Variants in KCNK10 observed in about 807,000 individuals in gnomAD.
The protein encoded by KCNK10 is potassium two pore domain channel subfamily K member 10.
In KCNK10, 25 loss-of-function variants were observed where a neutral mutation model predicts 47.7. That is an observed-to-expected ratio of 0.52 (90% CI 0.38 to 0.73). The LOEUF is 0.73. Ranked by LOEUF, KCNK10 falls within the 30% of genes least tolerant of loss-of-function variation. KCNK10 has a pLI of 0.00. For missense variants in KCNK10, 563 were observed against 714.5 expected, an observed-to-expected ratio of 0.79 and a Z score of 2.42; for synonymous variants, 303 against 285.6, an observed-to-expected ratio of 1.06 and a Z score of -0.61.
chr14:88,277,181 G>A (rs1403525646), intron 1 of KCNK10, among the ~76,000 whole-genome samples: 1 of 149,696 alleles, frequency 6.7e-6, no homozygotes. Context: ...TCATTTCAAA[G>A]TCACCAAAAC....
intron 4 of KCNK10, among the ~76,000 whole-genome samples, chr14:88,218,896 G>A (rs943300590): frequency 6.6e-6 from 1 of 152,032 alleles, no homozygotes; most frequent in Non-Finnish European, 1.5e-5. Context: ...TATTTCCCTG[G>A]GAACTCAGGA....
intron 1 of KCNK10, among the ~76,000 whole-genome samples, chr14:88,313,421 T>C (rs888010184): frequency 6.6e-6 from 1 of 152,224 alleles, no homozygotes; most frequent in African/African-American, 2.4e-5. Flanking sequence ...GTGGTAACAA[T>C]ATGTGATTTT....
At chr14:88,219,208 G>A (rs979405240) in intron 4 of KCNK10, among the ~76,000 whole-genome samples, 2 of 152,190 alleles carry the variant, frequency 1.3e-5, no homozygotes, top group African/African-American at 4.8e-5. Context: ...ACCCTAGAGT[G>A]GGACCCAGGA....
intron 1 of KCNK10, among the ~76,000 whole-genome samples, chr14:88,283,244 C>A (rs1237853300): frequency 6.6e-6 from 1 of 152,178 alleles, no homozygotes. Flanking sequence ...TGTAAAAAAT[C>A]AGTCAAGAAA....
chr14:88,312,719 C>CT lies in KCNK10; in HGVS notation c.52+10027dup, dbSNP rs532716467. ...GAAAAAATAGGGTGGATTATGGGGT[C>CT]TTTTTTTTAAATTAATGTTTACAGA... On this transcript the variant is annotated intron_variant, in intron 1 of 6. Transcript: ENST00000319231. 9.2e-5 allele frequency among the ~76,000 whole-genome samples: 14 copies of CT among 152,104 alleles called. No individual in the cohort carries two copies. The South Asian group carries it at 2.5e-3, about 27-fold the overall frequency.
In KCNK10 at chr14:88,229,699, C is replaced by T. The variant is rs548864815; in HGVS notation, c.521-2164G>A. On this transcript the variant is annotated intron_variant, in intron 3 of 6. Transcript: ENST00000319231. ...AGTGATGCTGTATCTCATGCATGGG[C>T]GTGTGTGTGAGTGTATTTGTGCTCC... Among the ~76,000 whole-genome samples, 6 of 152,214 alleles carry T rather than the reference C, an allele frequency of 3.9e-5. No homozygotes were observed. The South Asian group carries it at 8.3e-4, about 21-fold the overall frequency.
intron 1 of KCNK10, among the ~76,000 whole-genome samples, chr14:88,265,515 G>A (rs913770338): frequency 2.0e-5 from 3 of 152,146 alleles, no homozygotes; most frequent in African/African-American, 7.2e-5. Flanking sequence ...GGCTGATTTT[G>A]AACTTCTGAC....
At chr14:88,300,281 C>T (rs1888067167) in intron 1 of KCNK10, among the ~76,000 whole-genome samples, 1 of 152,226 alleles carries the variant, frequency 6.6e-6, no homozygotes, top group Non-Finnish European at 1.5e-5. Flanking sequence ...CCACCTACTT[C>T]TTCTACTTCT....
upstream of KCNK10, among the ~76,000 whole-genome samples, chr14:88,324,269 T>C (rs1376118827): frequency 6.6e-6 from 1 of 152,164 alleles, no homozygotes; most frequent in East Asian, 1.9e-4. Flanking sequence ...CCACAGGGGT[T>C]TGTGGTGGGG....
chr14:88,198,548 C>T (rs191922184), intron 4 of KCNK10, among the ~76,000 whole-genome samples: 103 of 152,346 alleles, frequency 6.8e-4, no homozygotes, highest in Middle Eastern at 6.8e-3. Context: ...TCTTCTTCCA[C>T]TGGCTAACAA....
At chr14:88,259,235 G>C (rs528555385) in intron 2 of KCNK10, among the ~76,000 whole-genome samples, 1 of 152,350 alleles carries the variant, frequency 6.6e-6, no homozygotes, top group African/African-American at 2.4e-5. Flanking sequence ...GAAGGTATCA[G>C]TGAACTGAAG....
chr14:88,245,807 C>T (rs1384207061), intron 2 of KCNK10, among the ~76,000 whole-genome samples: 2 of 152,182 alleles, frequency 1.3e-5, no homozygotes, highest in East Asian at 1.9e-4. Flanking sequence ...TTGTCCAAAG[C>T]AGGGAACTTG....
rs1458346194 is a variant in KCNK10, at chr14:88,183,569, C to T, written c.*1966G>A. 6.6e-6 allele frequency: 1 copy of T among 152,348 alleles called. No homozygotes were observed. The highest frequency in any genetic ancestry group is 2.4e-5 in the African/African-American group (1 of 41,454). The allele number at this position is 152,348 out of a possible 1,614,324, so 9.4% of individuals were successfully genotyped here. On this transcript the variant is annotated 3_prime_UTR_variant, in exon 7 of 7. Transcript: ENST00000319231. ...ATCCACACCTGCATAAACATCGCCT[C>T]CCAAGTGACTATTTATTACTGAGTC...
At chr14:88,312,314 T>C (rs1291394871) in intron 1 of KCNK10, among the ~76,000 whole-genome samples, 2 of 144,344 alleles carry the variant, frequency 1.4e-5, no homozygotes, top group East Asian at 4.3e-4. Context: ...AGCAACAAGA[T>C]TGTAAAAAAA....
intron 1 of KCNK10, among the ~76,000 whole-genome samples, chr14:88,280,043 G>T (rs1033196020): frequency 2.0e-5 from 3 of 152,018 alleles, no homozygotes; most frequent in African/African-American, 7.2e-5. Context: ...TCTCCTTCCC[G>T]GTCTTGGTTA....
At chr14:88,201,995 C>A (rs1391206701) in intron 4 of KCNK10, among the ~76,000 whole-genome samples, 2 of 152,196 alleles carry the variant, frequency 1.3e-5, no homozygotes, top group Non-Finnish European at 2.9e-5. Flanking sequence ...CAAGAGTATT[C>A]TCTTTAAAAT....
intron 1 of KCNK10, among the ~76,000 whole-genome samples, chr14:88,298,070 A>G (rs1434929289): frequency 6.6e-6 from 1 of 152,234 alleles, no homozygotes; most frequent in Non-Finnish European, 1.5e-5. Context: ...GGTAGAAAAC[A>G]AGAGATTGAA....
intron 1 of KCNK10, among the ~76,000 whole-genome samples, chr14:88,274,567 G>C (rs867851233): frequency 1.9e-3 from 37 of 19,946 alleles, no homozygotes; most frequent in South Asian, 0.01. Context: ...AAAAAAAAAA[G>C]ATCTTATGGC....
chr14:88,245,061 T>C (rs1415907130), intron 2 of KCNK10, among the ~76,000 whole-genome samples: 2 of 152,164 alleles, frequency 1.3e-5, no homozygotes, highest in African/African-American at 4.8e-5. Context: ...CAGCACCCAC[T>C]CAGCTACCCA....
Sources: gnomAD v4.1 joint callset for allele counts (sites outside exome capture counted in the v4.1 genomes callset) on GRCh38, gnomAD v4.1.1 for gene constraint, MANE v1.5 for transcripts, NCBI Gene and HGNC (gene_info 2026-07-23, HGNC 2026-07-21) for gene names.